Variants in CACNA1E observed in about 807,000 individuals in gnomAD.
CACNA1E encodes calcium voltage-gated channel subunit alpha1 E, also known as voltage-dependent R-type calcium channel subunit alpha-1E.
In CACNA1E, 40 loss-of-function variants were observed where a neutral mutation model predicts 259.2. The observed-to-expected ratio is 0.15, with a 90% CI of 0.12 to 0.20. The LOEUF (loss-of-function observed/expected upper bound fraction) is 0.20, where lower values mean the gene tolerates loss of function less well. CACNA1E is among the 10% of genes least tolerant of loss of function. CACNA1E has a pLI of 1.00. For missense variants in CACNA1E, 1,874 were observed against 3,040.1 expected (o/e 0.62, Z 9.02); for synonymous variants, 1,104 against 1,138.5 (o/e 0.97, Z 0.61).
At chr1:181,578,321 G>A (rs1651179166) in intron 4 of CACNA1E, among the ~76,000 whole-genome samples, 1 of 152,222 alleles carries the variant, frequency 6.6e-6, no homozygotes, top group African/African-American at 2.4e-5. Flanking sequence ...GGAGGCTGAG[G>A]TGGGTGGATT....
chr1:181,537,511 T>C (rs902420209), intron 3 of CACNA1E, among the ~76,000 whole-genome samples: 1 of 152,224 alleles, frequency 6.6e-6, no homozygotes, highest in Non-Finnish European at 1.5e-5. Context: ...GTGTGGTTAC[T>C]GTATGTATAT....
rs770750685 is a variant in CACNA1E, at chr1:181,785,795, T to C, written c.5762T>C (p.Leu1921Pro). 6.8e-6 allele frequency: 11 copies of C among 1,610,286 alleles called. No individual in the cohort carries two copies. In the Admixed American group the frequency reaches 1.9e-4, roughly 27 times the overall value. ...GCTAATGCCAAAGCCCTGCCTTACC[T>C]CCAGCAGGACCCCGTTTCAGGCCTG... ...IIANAKALPY[L>P]QQDPVSGLSG... Residue 1921 changes from leucine (L) to proline (P), a missense_variant, in exon 43 of 48, where the codon CTC becomes CCC. Physicochemically the swap from Leu to Pro is moderately conservative, Grantham distance 98 (BLOSUM62 -3). Around this residue, in one of 14 missense-constraint regions of CACNA1E, gnomAD observed 542 missense variants for 587.2 expected, o/e 0.92. Coordinates refer to ENST00000367573, the MANE Select transcript of CACNA1E (RefSeq NM_001205293.3).
chr1:181,568,268 G>C (rs1650049038), intron 3 of CACNA1E, among the ~76,000 whole-genome samples: 1 of 152,158 alleles, frequency 6.6e-6, no homozygotes, highest in African/African-American at 2.4e-5. Flanking sequence ...GTCAGGGAAG[G>C]CTGCTGCAGA....
intron 6 of CACNA1E, among the ~76,000 whole-genome samples, chr1:181,608,460 C>T (rs1404176574): frequency 6.6e-6 from 1 of 152,146 alleles, no homozygotes; most frequent in Non-Finnish European, 1.5e-5. Context: ...AGGGGGGCTA[C>T]AGCAGTTGTT....
chr1:181,456,946 G>A (rs1661500526), intron 2 of CACNA1E, among the ~76,000 whole-genome samples: 2 of 152,322 alleles, frequency 1.3e-5, no homozygotes, highest in Admixed American at 1.3e-4. Flanking sequence ...CTTTAAGACT[G>A]CCTGTTTGAG....
At chr1:181,615,145 T>C (rs1305758320) in intron 6 of CACNA1E, among the ~76,000 whole-genome samples, 1 of 152,222 alleles carries the variant, frequency 6.6e-6, no homozygotes, top group East Asian at 1.9e-4. Context: ...ATACTTTTTC[T>C]CATTAAAGTT....
chr1:181,732,708 G>T lies in CACNA1E; in HGVS notation c.2622G>T (p.Leu874Phe), dbSNP rs747235986. The T allele has an allele frequency of 1.3e-6, 2 of 1,540,628 alleles. No homozygotes were observed. Among genetic ancestry groups the T allele is most frequent in the Admixed American group, 4.0e-5 (2 of 49,740 alleles). The change falls in exon 20 of 48, where the codon TTG becomes TTT. Residue 874 changes from leucine to phenylalanine, a missense_variant. Leu to Phe is a conservative substitution (Grantham distance 22). This residue lies in a region of CACNA1E where 476 missense variants were observed against 514.0 expected (regional missense o/e 0.93). Coordinates refer to ENST00000367573, the MANE Select transcript of CACNA1E (RefSeq NM_001205293.3). This position sits in a 1 kb window ranked among gnomAD's most constrained non-coding sequence, Gnocchi z 5.5. ...CCCTGGACAACCAGAGGACCCCTTT[G>T]TCCCTGGGCCAGCGGGAGCCACCAT... ...SSALDNQRTP[L>F]SLGQREPPWL...
chr1:181,630,368 G>A (rs1294413345), intron 6 of CACNA1E, among the ~76,000 whole-genome samples: 1 of 151,234 alleles, frequency 6.6e-6, no homozygotes, highest in Non-Finnish European at 1.5e-5. Context: ...ATGGGACAAA[G>A]CAGTGTAATT....
chr1:181,400,793 A>G (rs1657044288), intron 1 of CACNA1E, among the ~76,000 whole-genome samples: 1 of 152,032 alleles, frequency 6.6e-6, no homozygotes, highest in Non-Finnish European at 1.5e-5. Context: ...TTGAGCTCCT[A>G]TTGATCAGGC....
chr1:181,771,548 A>T (rs1659515470), intron 36 of CACNA1E, 164 bp downstream of exon 36: 1 of 598,908 alleles, frequency 1.7e-6, no homozygotes. Flanking sequence ...CCCCTATAAC[A>T]TTAGACAGTT....
intron 2 of CACNA1E, among the ~76,000 whole-genome samples, chr1:181,421,867 T>A (rs1193796522): frequency 6.6e-6 from 1 of 152,194 alleles, no homozygotes; most frequent in African/African-American, 2.4e-5. Context: ...TTCCCTAGAA[T>A]AAGAGAATGT....
chr1:181,443,438 C>G (rs1458228496), intron 2 of CACNA1E, among the ~76,000 whole-genome samples: 1 of 152,242 alleles, frequency 6.6e-6, no homozygotes, highest in East Asian at 1.9e-4. Context: ...AATGTGCTCT[C>G]TCTTTGTGTC....
At chr1:181,729,183 C>T (rs1207748565) in intron 18 of CACNA1E, among the ~76,000 whole-genome samples, 2 of 150,508 alleles carry the variant, frequency 1.3e-5, no homozygotes, top group Non-Finnish European at 3.0e-5. Flanking sequence ...GTGCACTGCT[C>T]AGGTGTGTGT....
chr1:181,549,215 T>A (rs750880435), intron 3 of CACNA1E, among the ~76,000 whole-genome samples: 2 of 152,166 alleles, frequency 1.3e-5, no homozygotes, highest in Non-Finnish European at 2.9e-5. Flanking sequence ...AACCACCTGG[T>A]GTGGGTTTTC....
At chr1:181,364,742 T>C (rs1654143242) in intron 1 of CACNA1E, among the ~76,000 whole-genome samples, 1 of 151,928 alleles carries the variant, frequency 6.6e-6, no homozygotes, top group Admixed American at 6.6e-5. Flanking sequence ...TACAATACAG[T>C]GTGGTTCTGG....
chr1:181,374,386 GT>G lies in CACNA1E; in HGVS notation c.-14-38736del, dbSNP rs112064693. On this transcript the variant is annotated intron_variant, in intron 1 of 11. Transcript: ENST00000524607. The stretch of plus-strand genomic sequence containing the variant: ...AAGACAGTACTTGGCATTATTTTAT[GT>G]TTTTTTTTTTGGAGGAAATTCAACT... Among the ~76,000 whole-genome samples, 801 of 138,422 alleles carry G rather than the reference GT, an allele frequency of 5.8e-3. 9 individuals carry two copies. The highest frequency in any genetic ancestry group is 0.019 in the African/African-American group (730 of 38,376). The allele number at this position is 138,422 out of a possible 152,430, so 90.8% of individuals were successfully genotyped here.
At chr1:181,494,516 A>T (rs192725665) in intron 1 of CACNA1E, among the ~76,000 whole-genome samples, 1 of 152,152 alleles carries the variant, frequency 6.6e-6, no homozygotes, top group Non-Finnish European at 1.5e-5. Flanking sequence ...TTTTGCTCCA[A>T]TGTTTATCCT....
At chr1:181,656,881 T>A (rs1163467607) in intron 7 of CACNA1E, among the ~76,000 whole-genome samples, 1 of 152,228 alleles carries the variant, frequency 6.6e-6, no homozygotes, top group Non-Finnish European at 1.5e-5. Context: ...TAACATGCTG[T>A]ATAGGTTTAC....
rs1662586511 is a variant in CACNA1E, at chr1:181,805,820, G to A, written c.*6986G>A. On this transcript the variant is annotated 3_prime_UTR_variant, in exon 48 of 48. Coordinates refer to ENST00000367573, the MANE Select transcript of CACNA1E (RefSeq NM_001205293.3). Reference sequence around the variant, plus strand: ...AGGAGAAAAGCCTAATGCACCACATGTGTTTGGCATTTCATGGCTGGGACA... The same window carrying A: ...AGGAGAAAAGCCTAATGCACCACATATGTTTGGCATTTCATGGCTGGGACA... The A allele has an allele frequency of 6.6e-6, 1 of 152,214 alleles. No homozygotes were observed. The highest frequency in any genetic ancestry group is 2.4e-5 in the African/African-American group (1 of 41,444). The allele number at this position is 152,214 out of a possible 1,614,324, so 9.4% of individuals were successfully genotyped here. A position where few individuals can be genotyped will look rare whatever the true frequency, so the allele number is the denominator to read the frequency against.
Sources: gnomAD v4.1 joint callset for allele counts (sites outside exome capture counted in the v4.1 genomes callset) on GRCh38, gnomAD v4.1.1 for gene constraint, gnomAD v4.1.1 regional missense constraint, Gnocchi (gnomAD v3.1) non-coding constraint, MANE v1.5 for transcripts, NCBI Gene and HGNC (gene_info 2026-07-23, HGNC 2026-07-21) for gene names.